Variants in SIRT2 observed in about 807,000 individuals in gnomAD.
The protein encoded by SIRT2 is sirtuin 2.
Under a neutral mutation model 57.4 loss-of-function variants are expected in SIRT2, and 40 were observed. The ratio of observed to expected loss-of-function variants is 0.70; its 90% CI spans 0.54 to 0.91. SIRT2 has a LOEUF of 0.91. Ranked by LOEUF, SIRT2 falls within the 40% of genes least tolerant of loss-of-function variation. The probability of loss-of-function intolerance (pLI) is 0.00; values close to 1 mark genes in which losing one functional copy is unlikely to be tolerated. For missense variants in SIRT2, 439 were observed against 510.4 expected, an observed-to-expected ratio of 0.86 and a Z score of 1.35; for synonymous variants, 161 against 195.7, an observed-to-expected ratio of 0.82 and a Z score of 1.48.
chr19:38,899,434 G>C, intron 1 of SIRT2, 72 bp downstream of exon 1: 1 of 1,572,020 alleles, frequency 6.4e-7, no homozygotes, highest in Non-Finnish European at 8.7e-7. Flanking sequence ...GGCCACCCTT[G>C]GGCCCCGGGG....
In SIRT2 at chr19:38,889,419, C is replaced by A. The variant is rs903098516; in HGVS notation, c.433-264G>T. The A allele has an allele frequency of 9.5e-5, 65 of 683,870 alleles. 1 individual carries two copies. Among genetic ancestry groups the A allele is most frequent in the Admixed American group, 2.8e-4 (13 of 46,244 alleles). 42.4% of individuals were successfully genotyped at this position (683,870 alleles called of 1,614,324 possible). A position where few individuals can be genotyped will look rare whatever the true frequency, so the allele number is the denominator to read the frequency against. ...CCCAGGCAGCCCGGCTGCAGGGTCC[C>A]GGGCTCTCAACGGCATCATTAGTCA... On this transcript the variant is annotated intron_variant, in intron 7 of 15. Coordinates refer to ENST00000249396, the MANE Select transcript of SIRT2 (RefSeq NM_012237.4).
At chr19:38,889,999 A>T (rs757149967) in intron 5 of SIRT2, 38 bp from the exon 6 acceptor site, 17 of 1,610,866 alleles carry the variant, frequency 1.1e-5, no homozygotes, top group Non-Finnish European at 1.4e-5. Flanking sequence ...GGTCTATACC[A>T]TACTAACCCT....
rs1385891439 is a variant in SIRT2, at chr19:38,881,452, C to T, written c.671G>A (p.Cys224Tyr). ...FSEVTPKCED[C>Y]QSLVKPDIVF... is the part of the protein sequence containing the mutation. The stretch of plus-strand genomic sequence containing the variant: ...CTCACCAGGCTTCACCAGGCTCTGA[C>T]AGTCTTCACACTTGGGCGTCACCTC... Residue 224 changes from cysteine to tyrosine, a missense_variant, in exon 10 of 16, where the codon TGT becomes TAT. Cys to Tyr is a radical substitution (Grantham distance 194, BLOSUM62 -2). Transcript: ENST00000249396. The T allele has an allele frequency of 6.2e-7, 1 of 1,614,088 alleles. No individual in the cohort carries two copies. Among genetic ancestry groups the T allele is most frequent in the Non-Finnish European group, 8.5e-7 (1 of 1,180,014 alleles).
intron 2 of SIRT2, among the ~76,000 whole-genome samples, chr19:38,897,059 T>C (rs1973739189): frequency 6.6e-6 from 1 of 152,142 alleles, no homozygotes; most frequent in East Asian, 1.9e-4. Context: ...CCTTCCCTGC[T>C]CCTGTAGCCG....
At chr19:38,884,132 G>C (rs1288955884) in intron 8 of SIRT2, among the ~76,000 whole-genome samples, 1 of 150,890 alleles carries the variant, frequency 6.6e-6, no homozygotes, top group East Asian at 1.9e-4. Flanking sequence ...AAAAAAAAGG[G>C]GCCCAAACCT....
intron 8 of SIRT2, among the ~76,000 whole-genome samples, chr19:38,887,838 C>G (rs182300159): frequency 5.9e-5 from 9 of 152,312 alleles, no homozygotes; most frequent in African/African-American, 2.2e-4. Context: ...TGACTCACTA[C>G]AACCTCTGCC....
chr19:38,891,842 A>C, intron 4 of SIRT2: 1 of 468,658 alleles, frequency 2.1e-6, no homozygotes. Flanking sequence ...CTTTGTAGCC[A>C]CTGCCTGTGT....
At chr19:38,893,697 C>G in intron 3 of SIRT2, 122 bp downstream of exon 3, 16 of 1,331,640 alleles carry the variant, frequency 1.2e-5, no homozygotes, top group Non-Finnish European at 1.6e-5. Flanking sequence ...GGTACCCAAC[C>G]CACTGCTACA....
At chr19:38,889,243 G>T in intron 7 of SIRT2, 88 bp from the exon 8 acceptor site, 1 of 1,266,482 alleles carries the variant, frequency 7.9e-7, no homozygotes, top group Non-Finnish European at 1.2e-6. Flanking sequence ...TAGGCACTGT[G>T]ACTGTTTTAC....
chr19:38,883,482 C>G (rs1973222169), intron 9 of SIRT2, 145 bp downstream of exon 9: 34 of 1,103,146 alleles, frequency 3.1e-5, no homozygotes, highest in Non-Finnish European at 4.4e-5. Context: ...GCGTGGGCGA[C>G]AGAGTGAGAC....
chr19:38,881,125 G>T lies in SIRT2; in HGVS notation c.722C>A (p.Ala241Glu). Residue 241 changes from alanine (A) to glutamate (E), a missense_variant, in exon 11 of 16, where the codon GCG becomes GAG. Transcript: ENST00000249396. ...DIVFFGESLP[A>E]RFFSCMQSDF... is the part of the protein sequence containing the mutation. Reference sequence around the variant, plus strand: ...TGACTGCATACAGGAGAAGAAACGCGCTGGGAGGCTCTCACCAAAAAAGAC... The same window carrying T: ...TGACTGCATACAGGAGAAGAAACGCTCTGGGAGGCTCTCACCAAAAAAGAC... 1 of 1,613,374 alleles carries T rather than the reference G, an allele frequency of 6.2e-7. No homozygotes were observed. The highest frequency in any genetic ancestry group is 8.5e-7 in the Non-Finnish European group (1 of 1,179,776).
chr19:38,883,750 C>G lies in SIRT2; in HGVS notation c.508G>C (p.Asp170His). 4 of 1,613,954 alleles carry G rather than the reference C, an allele frequency of 2.5e-6. No homozygotes were observed. The highest frequency in any genetic ancestry group is 3.4e-6 in the Non-Finnish European group (4 of 1,179,882). Residue 170 changes from aspartate to histidine, a missense_variant, in exon 9 of 16, where the codon GAT (aspartate) becomes CAT (histidine). Asp to His is a moderately conservative substitution (Grantham distance 81). Coordinates refer to ENST00000249396, the MANE Select transcript of SIRT2 (RefSeq NM_012237.4). Reference protein sequence around the residue: ...LLLRCYTQNIDTLERIAGLEQ... With the variant: ...LLLRCYTQNIHTLERIAGLEQ... ...AGCCCGGCTATTCGCTCCAGGGTAT[C>G]TATGTTCTAGAGGGAGAGATGGAGG...
At chr19:38,889,006 A>G (rs1973431301) in intron 8 of SIRT2, 81 bp downstream of exon 8, 1 of 1,331,754 alleles carries the variant, frequency 7.5e-7, no homozygotes, top group Admixed American at 1.7e-5. Flanking sequence ...GCTCTTGGGC[A>G]CGCAGCTCTG....
At chr19:38,889,648 C>T in intron 7 of SIRT2, 41 bp downstream of exon 7, 1 of 1,611,708 alleles carries the variant, frequency 6.2e-7, no homozygotes, top group Middle Eastern at 2.0e-4. Flanking sequence ...TGCCCTCCCC[C>T]AACCCTTCCT....
At chr19:38,879,808 GT>G (rs972545122) in intron 13 of SIRT2, 106 bp from the exon 14 acceptor site, 836 of 670,718 alleles carry the variant, frequency 1.2e-3, no homozygotes, top group South Asian at 1.8e-3. Context: ...CTGTGACTTT[GT>G]TTTTTTTTTG....
At chr19:38,892,899 C>T (rs1333339140) in intron 4 of SIRT2, among the ~76,000 whole-genome samples, 2 of 152,146 alleles carry the variant, frequency 1.3e-5, no homozygotes, top group South Asian at 2.1e-4. Context: ...TATTTAGCCC[C>T]GCCAATAACC....
Position 38,880,315 on chromosome 19 carries a change from T to C in SIRT2, c.876+370A>G, listed in dbSNP as rs1973105846. On this transcript the variant is annotated intron_variant, in intron 13 of 15. Transcript: ENST00000249396. The surrounding 1 kb of genome is among the most constrained non-coding windows in gnomAD (Gnocchi z 4.1). ...GCCTACTTCCCCTGAGGGGAACACC[T>C]AGGAGGGAGCACCTGCCCTAGAGTG... 4.1e-6 allele frequency: 1 copy of C among 245,704 alleles called. No individual in the cohort carries two copies. Among genetic ancestry groups the C allele is most frequent in the Admixed American group, 5.0e-5 (1 of 20,032 alleles). The allele number at this position is 245,704 out of a possible 1,614,324, so 15.2% of individuals were successfully genotyped here. A position where few individuals can be genotyped will look rare whatever the true frequency, so the allele number is the denominator to read the frequency against.
At chr19:38,884,755 T>C (rs1973273504) in intron 8 of SIRT2, among the ~76,000 whole-genome samples, 2 of 151,852 alleles carry the variant, frequency 1.3e-5, no homozygotes, top group African/African-American at 4.8e-5. Flanking sequence ...CCATGTTTTT[T>C]TATGTATTTG....
intron 2 of SIRT2, among the ~76,000 whole-genome samples, chr19:38,895,788 A>C (rs1275816710): frequency 6.6e-6 from 1 of 151,988 alleles, no homozygotes; most frequent in Non-Finnish European, 1.5e-5. Context: ...AAAGAGAGAG[A>C]AAGGCTGAGC....
Sources: allele counts gnomAD v4.1 joint callset (sites outside exome capture counted in the v4.1 genomes callset), GRCh38; gene constraint gnomAD v4.1.1; non-coding constraint Gnocchi (gnomAD v3.1); transcripts MANE v1.5; gene names NCBI Gene and HGNC (gene_info 2026-07-23, HGNC 2026-07-21).